KIF2C: variants seen among roughly 807,000 people sequenced by gnomAD.
KIF2C encodes the protein kinesin family member 2C.
Under a neutral mutation model 97.4 loss-of-function variants are expected in KIF2C, and 34 were observed. That is an observed-to-expected ratio of 0.35 (90% CI 0.27 to 0.46). The LOEUF is 0.46. KIF2C is among the 20% of genes least tolerant of loss of function. KIF2C has a pLI of 1.00. For missense variants in KIF2C, 750 were observed against 907.6 expected (o/e 0.83, Z 2.23); for synonymous variants, 313 against 318.2 (o/e 0.98, Z 0.17).
At chr1:44,761,587 G>A (rs1221011947) in intron 16 of KIF2C, among the ~76,000 whole-genome samples, 1 of 150,510 alleles carries the variant, frequency 6.6e-6, no homozygotes, top group African/African-American at 2.5e-5. Flanking sequence ...TGGTCTGGGC[G>A]ACAGAGTGAG....
chr1:44,740,928 C>T lies in KIF2C; in HGVS notation c.86C>T (p.Ala29Val), dbSNP rs1008801574. Residue 29 changes from alanine (A) to valine (V), a missense_variant, in exon 2 of 21, where the codon GCC (alanine) becomes GTC (valine). Physicochemically the swap from Ala to Val is moderately conservative, Grantham distance 64 (BLOSUM62 0). Transcript: ENST00000372224. ...IQRSNGLIHS[A>V]NVRTVNLEKS... ...TACTTTATAGGTTTAATTCACAGTG[C>T]CAATGTAAGGACTGTGAACTTGGAG... is the stretch of plus-strand genomic sequence containing the variant. 1 of 1,612,718 alleles carries T rather than the reference C, an allele frequency of 6.2e-7. No homozygotes were observed. Among genetic ancestry groups the T allele is most frequent in the African/African-American group, 1.3e-5 (1 of 74,810 alleles).
chr1:44,750,315 G>C (rs1649439959), intron 4 of KIF2C, 127 bp from the exon 5 acceptor site: 1 of 988,282 alleles, frequency 1.0e-6, no homozygotes, highest in Middle Eastern at 3.7e-4. Context: ...TAAGGAATAT[G>C]GGAAGTTGGC....
chr1:44,750,529 C>G lies in KIF2C; in HGVS notation c.404C>G (p.Ala135Gly). The G allele has an allele frequency of 1.3e-6, 2 of 1,584,616 alleles. No homozygotes were observed. The highest frequency in any genetic ancestry group is 1.7e-6 in the Non-Finnish European group (2 of 1,162,674). The change falls in exon 5 of 21, where the codon GCA (alanine) becomes GGA (glycine). Residue 135 changes from alanine (A) to glycine (G), a missense_variant. Transcript: ENST00000372224. Reference sequence around the variant, plus strand: ...AATGACATGGAGGTGGAGCTGCCTGCAGCTGCAAACTCCCGCAAGCAGTTT... The same window carrying G: ...AATGACATGGAGGTGGAGCTGCCTGGAGCTGCAAACTCCCGCAAGCAGTTT... ...QENDMEVELP[A>G]AANSRKQFSV...
intron 2 of KIF2C, among the ~76,000 whole-genome samples, chr1:44,743,831 A>G (rs1263942789): frequency 1.3e-5 from 2 of 152,216 alleles, no homozygotes; most frequent in African/African-American, 2.4e-5. Context: ...TGCTTAGCAT[A>G]GTACGTATAG....
At chr1:44,755,543 C>T (rs1233664645) in intron 8 of KIF2C, among the ~76,000 whole-genome samples, 4 of 152,220 alleles carry the variant, frequency 2.6e-5, no homozygotes, top group African/African-American at 9.6e-5. Context: ...GGATTACAGG[C>T]GTGAGCCACC....
chr1:44,748,224 C>T (rs1649323119), intron 4 of KIF2C, among the ~76,000 whole-genome samples: 1 of 152,142 alleles, frequency 6.6e-6, no homozygotes, highest in Admixed American at 6.6e-5. Flanking sequence ...GACTGTGACT[C>T]TAGGGGGTAA....
At chr1:44,741,883 C>G (rs1278816835) in intron 2 of KIF2C, among the ~76,000 whole-genome samples, 4 of 150,852 alleles carry the variant, frequency 2.7e-5, no homozygotes, top group African/African-American at 9.8e-5. Context: ...GTCCCAGCTG[C>G]TCTGGAGGCT....
At chr1:44,764,234 G>C (rs928844813) in intron 19 of KIF2C, among the ~76,000 whole-genome samples, 1 of 152,096 alleles carries the variant, frequency 6.6e-6, no homozygotes, top group East Asian at 1.9e-4. Flanking sequence ...GGAGTTTAGT[G>C]GTGCAATCTT....
intron 5 of KIF2C, among the ~76,000 whole-genome samples, chr1:44,751,787 G>A (rs1649532780): frequency 6.6e-6 from 1 of 150,398 alleles, no homozygotes; most frequent in Non-Finnish European, 1.5e-5. Context: ...GGGATTACAG[G>A]CGTGAGCTAC....
intron 4 of KIF2C, among the ~76,000 whole-genome samples, 178 bp downstream of exon 4, chr1:44,747,878 C>G (rs1649298681): frequency 6.6e-6 from 1 of 152,214 alleles, no homozygotes; most frequent in Non-Finnish European, 1.5e-5. Flanking sequence ...TCAGGCCAAC[C>G]TTTAAGAGAC....
In KIF2C at chr1:44,760,687, C is replaced by G. The variant is rs1557599967; in HGVS notation, c.1668C>G (p.Asn556Lys). 2 of 1,613,742 alleles carry G rather than the reference C, an allele frequency of 1.2e-6. No homozygotes were observed. The highest frequency in any genetic ancestry group is 1.7e-6 in the Non-Finnish European group (2 of 1,179,662). Residue 556 changes from asparagine to lysine, a missense_variant, in exon 16 of 21, where the codon AAC becomes AAG. Transcript: ENST00000372224. The surrounding 1 kb of genome is among the most constrained non-coding windows in gnomAD (Gnocchi z 4.2). The stretch of plus-strand genomic sequence containing the variant: ...TGAGGGACTCCTTCATTGGGGAGAA[C>G]TCTAGGACTTGCATGGTGAGTAGGG... The part of the protein sequence containing the change: ...QVLRDSFIGE[N>K]SRTCMIATIS...
chr1:44,747,896 A>C (rs951910436), intron 4 of KIF2C, among the ~76,000 whole-genome samples, 196 bp downstream of exon 4: 1 of 152,238 alleles, frequency 6.6e-6, no homozygotes, highest in Admixed American at 6.5e-5. Flanking sequence ...GACCTGGTGC[A>C]TTTAGGAAAT....
intron 10 of KIF2C, among the ~76,000 whole-genome samples, chr1:44,757,346 A>AT (rs1184436799): frequency 6.6e-6 from 1 of 152,148 alleles, no homozygotes; most frequent in African/African-American, 2.4e-5. Context: ...CGGCCCAGTG[A>AT]TCCCCCAACA....
In KIF2C at chr1:44,740,142, C is replaced by T. The variant is rs550164938; in HGVS notation, c.70+140C>T. Reference sequence around the variant, plus strand: ...TTTCACACGCACTCACTCCGGGTCTCTGCACTGGCAGTCATTCTTGCCTAC... The same window carrying T: ...TTTCACACGCACTCACTCCGGGTCTTTGCACTGGCAGTCATTCTTGCCTAC... On this transcript the variant is annotated intron_variant, in intron 1 of 20. Transcript: ENST00000372224. The T allele has an allele frequency of 2.7e-5, 27 of 998,868 alleles. No homozygotes were observed. The South Asian group carries it at 3.4e-4, about 13-fold the overall frequency. 61.9% of individuals were successfully genotyped at this position (998,868 alleles called of 1,614,324 possible). A position where few individuals can be genotyped will look rare whatever the true frequency, so the allele number is the denominator to read the frequency against.
chr1:44,767,260 G>T lies in KIF2C; in HGVS notation c.*81G>T. ...CCAGAGAACTTTGGGTACCTGGTGGGTCTAGGCAGGGTCTGAGCTGGGACA... is the reference window on the plus strand; with the variant it reads ...CCAGAGAACTTTGGGTACCTGGTGGTTCTAGGCAGGGTCTGAGCTGGGACA... On this transcript the variant is annotated 3_prime_UTR_variant, in exon 21 of 21. Coordinates refer to ENST00000372224, the MANE Select transcript of KIF2C (RefSeq NM_006845.4). 1 of 1,258,452 alleles carries T rather than the reference G, an allele frequency of 7.9e-7. No individual in the cohort carries two copies. The highest frequency in any genetic ancestry group is 1.2e-6 in the Non-Finnish European group (1 of 868,204). 78.0% of individuals were successfully genotyped at this position (1,258,452 alleles called of 1,614,324 possible). A position where few individuals can be genotyped will look rare whatever the true frequency, so the allele number is the denominator to read the frequency against.
At chr1:44,758,401 G>A (rs1020802947) in intron 13 of KIF2C, among the ~76,000 whole-genome samples, 2 of 151,966 alleles carry the variant, frequency 1.3e-5, no homozygotes, top group Non-Finnish European at 2.9e-5. Flanking sequence ...GACCTCCCTC[G>A]GCCGACCTCC....
intron 10 of KIF2C, among the ~76,000 whole-genome samples, chr1:44,757,287 A>G (rs1034481167): frequency 6.6e-6 from 1 of 152,162 alleles, no homozygotes; most frequent in Non-Finnish European, 1.5e-5. Context: ...GGGTCAGAGG[A>G]AAGGTCAGAT....
chr1:44,742,267 G>A (rs1277637852), intron 2 of KIF2C, among the ~76,000 whole-genome samples: 7 of 151,896 alleles, frequency 4.6e-5, no homozygotes, highest in Admixed American at 6.6e-5. Context: ...CCGCCACTAC[G>A]CCCGGCTAAT....
Position 44,760,269 on chromosome 1 carries a change from C to A in KIF2C, c.1368-11C>A, listed in dbSNP as rs1199383167. On this transcript the variant is annotated splice_polypyrimidine_tract_variant and intron_variant, in intron 14 of 20. Coordinates refer to ENST00000372224, the MANE Select transcript of KIF2C (RefSeq NM_006845.4). This position sits in a 1 kb window ranked among gnomAD's most constrained non-coding sequence, Gnocchi z 4.2. Reference sequence around the variant, plus strand: ...GTGACCACAGAATCTCATAACCTTTCTTTACCACAGAACCTCTGGGCAGAC... The same window carrying A: ...GTGACCACAGAATCTCATAACCTTTATTTACCACAGAACCTCTGGGCAGAC... 1 of 1,613,316 alleles carries A rather than the reference C, an allele frequency of 6.2e-7. No individual in the cohort carries two copies. The highest frequency in any genetic ancestry group is 1.3e-5 in the African/African-American group (1 of 74,908).
Sources: allele counts gnomAD v4.1 joint callset (sites outside exome capture counted in the v4.1 genomes callset), GRCh38; gene constraint gnomAD v4.1.1; non-coding constraint Gnocchi (gnomAD v3.1); transcripts MANE v1.5; gene names NCBI Gene and HGNC (gene_info 2026-07-23, HGNC 2026-07-21).